Variants in FABP6 observed in about 807,000 individuals in gnomAD.
The protein encoded by FABP6 is fatty acid binding protein 6.
A neutral mutation model predicts 14.9 loss-of-function variants in FABP6; 13 were observed. The ratio of observed to expected loss-of-function variants is 0.87; its 90% CI spans 0.57 to 1.39. The LOEUF (loss-of-function observed/expected upper bound fraction) is 1.39. Ranked by LOEUF, FABP6 falls within the 40% of genes most tolerant of loss-of-function variation. FABP6 has a pLI of 0.00. For missense variants in FABP6, 161 were observed against 167.2 expected, an observed-to-expected ratio of 0.96 and a Z score of 0.20; for synonymous variants, 75 against 63.6, an observed-to-expected ratio of 1.18 and a Z score of -0.85.
intron 3 of FABP6, among the ~76,000 whole-genome samples, chr5:160,214,294 G>C (rs1377771033): frequency 1.3e-5 from 2 of 151,870 alleles, no homozygotes; most frequent in Non-Finnish European, 2.9e-5. Flanking sequence ...CTCCCTATTA[G>C]CTGGGATTAC....
chr5:160,218,800 C>G (rs1304633600), intron 3 of FABP6, among the ~76,000 whole-genome samples: 1 of 150,690 alleles, frequency 6.6e-6, no homozygotes, highest in African/African-American at 2.4e-5. Flanking sequence ...ATTCTGTCAC[C>G]CAGGCTGGAT....
intron 3 of FABP6, among the ~76,000 whole-genome samples, chr5:160,236,783 C>T (rs962686472): frequency 6.6e-6 from 1 of 151,376 alleles, no homozygotes; most frequent in Non-Finnish European, 1.5e-5. Context: ...ACCAGCCCAG[C>T]CAACATGGTG....
At chr5:160,228,221 G>T (rs571557105), upstream of FABP6, among the ~76,000 whole-genome samples, 1 of 151,862 alleles carries the variant, frequency 6.6e-6, no homozygotes, top group Non-Finnish European at 1.5e-5. Flanking sequence ...GAGAAACCCC[G>T]TCTCTACTAA....
intron 2 of FABP6, among the ~76,000 whole-genome samples, chr5:160,208,376 T>G (rs572206089): frequency 6.6e-6 from 1 of 152,114 alleles, no homozygotes; most frequent in Admixed American, 6.6e-5. Context: ...AGTTTGAGGC[T>G]GTTGTGAGCT....
chr5:160,228,831 G>A (rs879056938), upstream of FABP6: 6 of 279,178 alleles, frequency 2.1e-5, no homozygotes, highest in East Asian at 8.0e-5. Context: ...TTCCATCTTC[G>A]TCACACTGTT....
intron 1 of FABP6, among the ~76,000 whole-genome samples, chr5:160,193,976 A>C (rs2112592): frequency 3.3e-5 from 5 of 152,194 alleles, no homozygotes; most frequent in Non-Finnish European, 7.4e-5. Context: ...CTCGGGCTGC[A>C]CAGGTGCCCA....
chr5:160,202,750 G>A (rs1316686013), intron 2 of FABP6, among the ~76,000 whole-genome samples: 5 of 145,964 alleles, frequency 3.4e-5, no homozygotes, highest in Non-Finnish European at 7.5e-5. Flanking sequence ...CTTGCAGTGA[G>A]ATTGCACCAC....
intron 1 of FABP6, among the ~76,000 whole-genome samples, chr5:160,191,808 A>C (rs1005606501): frequency 1.2e-5 from 1 of 86,226 alleles, no homozygotes; most frequent in Non-Finnish European, 2.7e-5. Context: ...AAAAATACAA[A>C]AAAAAAAAAA....
chr5:160,222,111 T>TTA (rs1293131758), intron 3 of FABP6, among the ~76,000 whole-genome samples: 2 of 150,902 alleles, frequency 1.3e-5, no homozygotes, highest in Admixed American at 1.3e-4. Flanking sequence ...TTTTTTTTTT[T>TTA]TAGACAGGGT....
At chr5:160,197,846 C>T (rs1445029852) in intron 1 of FABP6, 1 of 152,060 alleles carries the variant, frequency 6.6e-6, no homozygotes, top group Non-Finnish European at 1.5e-5. Flanking sequence ...GCTCCGGAAA[C>T]TCCTGTCAGC....
chr5:160,197,921 CGTGTGT>C (rs34714032), intron 1 of FABP6: 27 of 127,138 alleles, frequency 2.1e-4, no homozygotes, highest in African/African-American at 5.4e-4. Flanking sequence ...AAGGCTGCTT[CGTGTGT>C]GTGTGTGTGT....
chr5:160,203,459 T>G (rs1759689692), intron 2 of FABP6, among the ~76,000 whole-genome samples: 1 of 152,218 alleles, frequency 6.6e-6, no homozygotes, highest in African/African-American at 2.4e-5. Context: ...TTGGCCTGAT[T>G]TGTTAGGACC....
intron 1 of FABP6, among the ~76,000 whole-genome samples, chr5:160,189,978 A>C (rs990196427): frequency 6.6e-6 from 1 of 152,166 alleles, no homozygotes; most frequent in Admixed American, 6.5e-5. Context: ...CATAGGAGAT[A>C]AAAATGACAT....
intron 2 of FABP6, among the ~76,000 whole-genome samples, chr5:160,211,577 G>A (rs1263082902): frequency 6.6e-6 from 1 of 152,194 alleles, no homozygotes; most frequent in Non-Finnish European, 1.5e-5. Context: ...TGAGTCATGA[G>A]TGCAGTACTA....
chr5:160,192,827 C>T (rs528344893), intron 1 of FABP6, among the ~76,000 whole-genome samples: 3 of 152,330 alleles, frequency 2.0e-5, no homozygotes, highest in African/African-American at 7.2e-5. Flanking sequence ...ATAAGAAATC[C>T]CACGCTGGGG....
intron 2 of FABP6, among the ~76,000 whole-genome samples, chr5:160,205,183 C>G (rs918239114): frequency 6.6e-6 from 1 of 151,982 alleles, no homozygotes; most frequent in Non-Finnish European, 1.5e-5. Flanking sequence ...GCCTCCCAGT[C>G]AAAGACAAGA....
chr5:160,193,093 G>A (rs1451457863), intron 1 of FABP6, among the ~76,000 whole-genome samples: 1 of 152,222 alleles, frequency 6.6e-6, no homozygotes, highest in Non-Finnish European at 1.5e-5. Flanking sequence ...CAAGAATGAA[G>A]CCACGGACCC....
At chr5:160,213,833 G>A in intron 3 of FABP6, 1 of 1,601,996 alleles carries the variant, frequency 6.2e-7, no homozygotes, top group Non-Finnish European at 8.6e-7. Context: ...TGGGGTAGAA[G>A]AAGGGAGGGA....
chr5:160,194,236 C>G (rs1163743634), intron 1 of FABP6, among the ~76,000 whole-genome samples: 1 of 152,228 alleles, frequency 6.6e-6, no homozygotes, highest in African/African-American at 2.4e-5. Context: ...CCAGCTGGCC[C>G]GCAAGCGCCG....
Sources: gnomAD v4.1 joint callset for allele counts (sites outside exome capture counted in the v4.1 genomes callset) on GRCh38, gnomAD v4.1.1 for gene constraint, MANE v1.5 for transcripts, NCBI Gene and HGNC (gene_info 2026-07-23, HGNC 2026-07-21) for gene names.